The following TET2 variants were observed in gnomAD, a reference collection of about 807,000 sequenced individuals.
The protein encoded by TET2 is methylcytosine dioxygenase TET2.
In TET2, 299 loss-of-function variants were observed where a neutral mutation model predicts 142.9. The observed-to-expected ratio is 2.09, with a 90% CI of 1.90 to 2.30. TET2 has a LOEUF of 2.30. TET2 is among the 30% of genes most tolerant of loss of function. The pLI is 0.00. For synonymous variants in TET2, 819 were observed against 849.0 expected (o/e 0.96, Z 0.61); for missense variants, 2,418 against 2,378.0 (o/e 1.02, Z -0.35).
At position 105,276,201 on chromosome 4, in the gene TET2, C is replaced by T. The variant is rs2110316152; in HGVS notation, c.5691C>T (p.Ile1897=). 4 of 1,551,650 alleles carry T rather than the reference C, an allele frequency of 2.6e-6. No homozygotes were observed. The highest frequency in any genetic ancestry group is 3.5e-6 in the Non-Finnish European group (4 of 1,146,980). ...CCAATAGGAATCACCCCACCAGGATCTCCCTCGTCTTTTACCAGCATAAGA... is the reference window on the plus strand; with the variant it reads ...CCAATAGGAATCACCCCACCAGGATTTCCCTCGTCTTTTACCAGCATAAGA... ...KNPNRNHPTR[I]SLVFYQHKSM... The change falls in exon 11 of 11, where the codon ATC becomes ATT. Residue 1897 remains isoleucine, a synonymous_variant. Transcript: ENST00000380013.
intron 10 of TET2, among the ~76,000 whole-genome samples, chr4:105,273,871 G>T (rs559759846): frequency 1.4e-4 from 21 of 152,212 alleles, no homozygotes; most frequent in African/African-American, 4.8e-4. Context: ...CTAAGTTATT[G>T]TCTTTCCATA....
intron 1 of TET2, among the ~76,000 whole-genome samples, chr4:105,163,844 AGAGAGAGAGAGTGT>A (rs1477970002): frequency 6.1e-4 from 72 of 118,568 alleles, no homozygotes; most frequent in African/African-American, 2.3e-3. Context: ...AGAGAGAGAG[AGAGAGAGAGAGTGT>A]GTGTGTGTGT....
At chr4:105,171,467 A>T (rs1184812917) in intron 1 of TET2, 1 of 152,236 alleles carries the variant, frequency 6.6e-6, no homozygotes, top group Non-Finnish European at 1.5e-5. Context: ...ATATGTAATC[A>T]TATAACCAAA....
intron 10 of TET2, 93 bp from the exon 11 acceptor site, chr4:105,274,955 T>C: frequency 7.0e-7 from 1 of 1,429,214 alleles, no homozygotes; most frequent in Non-Finnish European, 9.2e-7. Context: ...TAGTGGAGTT[T>C]CTTACCTACA....
At chr4:105,251,955 G>C (rs1292976688) in intron 6 of TET2, among the ~76,000 whole-genome samples, 2 of 152,218 alleles carry the variant, frequency 1.3e-5, no homozygotes, top group Non-Finnish European at 2.9e-5. Context: ...TGCTGCCCCT[G>C]TATGTGCATA....
intron 2 of TET2, among the ~76,000 whole-genome samples, chr4:105,204,580 A>G (rs1192857131): frequency 1.3e-5 from 2 of 152,200 alleles, no homozygotes; most frequent in Admixed American, 6.5e-5. Flanking sequence ...ATTGAAAAGA[A>G]TATCTGTGGC....
chr4:105,148,358 T>G (rs1560705395), intron 1 of TET2, among the ~76,000 whole-genome samples: 1 of 152,232 alleles, frequency 6.6e-6, no homozygotes, highest in Non-Finnish European at 1.5e-5. Flanking sequence ...GTGCATAAAA[T>G]TTAGTGAAAT....
At chr4:105,175,844 G>A (rs1724760638) in intron 1 of TET2, among the ~76,000 whole-genome samples, 1 of 151,926 alleles carries the variant, frequency 6.6e-6, no homozygotes, top group African/African-American at 2.4e-5. Flanking sequence ...ACCTATAGAG[G>A]AGCAAAAATA....
intron 2 of TET2, among the ~76,000 whole-genome samples, chr4:105,217,724 T>C (rs1727580147): frequency 6.6e-6 from 1 of 152,118 alleles, no homozygotes; most frequent in African/African-American, 2.4e-5. Context: ...TTCTCCTTTT[T>C]TAAAATTACA....
At chr4:105,210,962 A>G (rs1727122665) in intron 2 of TET2, among the ~76,000 whole-genome samples, 1 of 152,172 alleles carries the variant, frequency 6.6e-6, no homozygotes, top group African/African-American at 2.4e-5. Flanking sequence ...TAATGCACCT[A>G]TGGCTTCCCA....
chr4:105,209,628 A>G (rs1027055619), intron 2 of TET2, among the ~76,000 whole-genome samples: 1 of 147,986 alleles, frequency 6.8e-6, no homozygotes, highest in African/African-American at 2.7e-5. Context: ...TTTTGTGTGT[A>G]TGTTTCTGAA....
In TET2 at chr4:105,276,376, C is replaced by A. The variant is rs1731224040; in HGVS notation, c.5866C>A (p.Pro1956Thr). 6.4e-7 allele frequency: 1 copy of A among 1,551,836 alleles called. No individual in the cohort carries two copies. Among genetic ancestry groups the A allele is most frequent in the African/African-American group, 1.4e-5 (1 of 73,020 alleles). The change falls in exon 11 of 11, where the codon CCA becomes ACA. Residue 1956 changes from proline to threonine, a missense_variant. Coordinates refer to ENST00000380013, the MANE Select transcript of TET2 (RefSeq NM_001127208.3). ...GKKVKREPAEPHETSEPTYLR... is the reference protein window; with the variant it reads ...GKKVKREPAETHETSEPTYLR... ...AAAAGTGAAACGGGAGCCTGCTGAGCCACATGAAACTTCAGAGCCCACTTA... is the reference window on the plus strand; with the variant it reads ...AAAAGTGAAACGGGAGCCTGCTGAGACACATGAAACTTCAGAGCCCACTTA...
Position 105,277,657 on chromosome 4 carries a change from A to C in TET2, c.*1138A>C, listed in dbSNP as rs1409083886. The C allele has an allele frequency of 4.4e-6, 1 of 229,760 alleles. No homozygotes were observed. Among genetic ancestry groups the C allele is most frequent in the African/African-American group, 2.2e-5 (1 of 45,202 alleles). The allele number at this position is 229,760 out of a possible 1,614,324, so 14.2% of individuals were successfully genotyped here. A position where few individuals can be genotyped will look rare whatever the true frequency, so the allele number is the denominator to read the frequency against. On this transcript the variant is annotated 3_prime_UTR_variant, in exon 11 of 11. Coordinates refer to ENST00000380013, the MANE Select transcript of TET2 (RefSeq NM_001127208.3). ...GATTCAAGGGAATACGTTAGTCCAC[A>C]AAACATGTTTTCTGGTGCTCATCTC...
chr4:105,154,191 C>G (rs1723450768), intron 1 of TET2, among the ~76,000 whole-genome samples: 1 of 152,140 alleles, frequency 6.6e-6, no homozygotes, highest in Non-Finnish European at 1.5e-5. Flanking sequence ...TGAAAATGTT[C>G]TATAATTAGA....
At chr4:105,182,834 G>C (rs1725200265) in intron 1 of TET2, among the ~76,000 whole-genome samples, 1 of 151,978 alleles carries the variant, frequency 6.6e-6, no homozygotes, top group Admixed American at 6.6e-5. Context: ...TTGATCCTTT[G>C]ATGTTTATAT....
chr4:105,181,319 A>G (rs921421903), intron 1 of TET2, among the ~76,000 whole-genome samples: 1 of 152,044 alleles, frequency 6.6e-6, no homozygotes, highest in African/African-American at 2.4e-5. Flanking sequence ...TTTCTTGATG[A>G]TTTTTATTTT....
intron 1 of TET2, among the ~76,000 whole-genome samples, chr4:105,165,140 C>T (rs1221102082): frequency 6.6e-6 from 1 of 151,884 alleles, no homozygotes; most frequent in African/African-American, 2.4e-5. Flanking sequence ...TTTGGGAGGC[C>T]GAGGCGGGCA....
intron 10 of TET2, among the ~76,000 whole-genome samples, chr4:105,274,481 C>A (rs1484393197): frequency 1.3e-5 from 2 of 151,980 alleles, no homozygotes; most frequent in Non-Finnish European, 2.9e-5. Flanking sequence ...CATAATAAAT[C>A]TTATTTTAAT....
chr4:105,175,472 C>T (rs928000216), intron 1 of TET2, among the ~76,000 whole-genome samples: 1 of 151,010 alleles, frequency 6.6e-6, no homozygotes, highest in South Asian at 2.1e-4. Context: ...TGAACATAGC[C>T]GAGGAAAAAA....
Sources: allele counts gnomAD v4.1 joint callset (sites outside exome capture counted in the v4.1 genomes callset), GRCh38; gene constraint gnomAD v4.1.1; transcripts MANE v1.5; gene names NCBI Gene and HGNC (gene_info 2026-07-23, HGNC 2026-07-21).